The following SKAP1 variants were observed in gnomAD, a reference collection of about 807,000 sequenced individuals.
SKAP1 encodes src kinase associated phosphoprotein 1.
A neutral mutation model predicts 58.5 loss-of-function variants in SKAP1; 44 were observed. The observed-to-expected ratio is 0.75, with a 90% CI of 0.59 to 0.97. SKAP1 has a LOEUF of 0.97. Among genes scored for constraint, SKAP1 ranks in the 50% least tolerant of loss-of-function variants. The pLI, the probability that SKAP1 is intolerant of heterozygous loss-of-function variation, is 0.00. For missense variants in SKAP1, 390 were observed against 435.2 expected, an observed-to-expected ratio of 0.90 and a Z score of 0.92; for synonymous variants, 127 against 149.7, an observed-to-expected ratio of 0.85 and a Z score of 1.11.
chr17:48,308,721 G>T (rs1168418788), intron 4 of SKAP1: 4 of 152,132 alleles, frequency 2.6e-5, no homozygotes, highest in African/African-American at 7.2e-5. Flanking sequence ...GTTCTGGAGA[G>T]AAGCTATTTA....
At chr17:48,167,826 C>T (rs1372805503) in intron 10 of SKAP1, among the ~76,000 whole-genome samples, 3 of 152,170 alleles carry the variant, frequency 2.0e-5, no homozygotes, top group African/African-American at 7.2e-5. Context: ...CTATAAAAAA[C>T]GAACACAGAG....
At chr17:48,168,261 AT>A (rs2064164737) in intron 10 of SKAP1, among the ~76,000 whole-genome samples, 1 of 152,198 alleles carries the variant, frequency 6.6e-6, no homozygotes, top group African/African-American at 2.4e-5. Context: ...AAGTACTTGG[AT>A]TTTAAAAGTA....
chr17:48,274,735 G>A (rs2065678252), intron 4 of SKAP1, among the ~76,000 whole-genome samples: 1 of 152,032 alleles, frequency 6.6e-6, no homozygotes, highest in African/African-American at 2.4e-5. Context: ...AGAGACAGGG[G>A]TCTCACTATG....
At chr17:48,156,997 G>A (rs2063986144) in intron 11 of SKAP1, among the ~76,000 whole-genome samples, 1 of 152,100 alleles carries the variant, frequency 6.6e-6, no homozygotes, top group African/African-American at 2.4e-5. Flanking sequence ...ATTAGTAAAA[G>A]GGAAGGAAAT....
intron 4 of SKAP1, among the ~76,000 whole-genome samples, chr17:48,325,491 C>G (rs183647402): frequency 6.6e-6 from 1 of 152,260 alleles, no homozygotes; most frequent in Admixed American, 6.5e-5. Flanking sequence ...GTTTTATTCA[C>G]TGCTGTAGTC....
At chr17:48,243,497 C>G (rs1363004496) in intron 4 of SKAP1, among the ~76,000 whole-genome samples, 6 of 152,148 alleles carry the variant, frequency 3.9e-5, no homozygotes, top group African/African-American at 1.4e-4. Context: ...GGAACAAAAT[C>G]CTGTTTTTGC....
intron 4 of SKAP1, among the ~76,000 whole-genome samples, chr17:48,260,934 T>C (rs2065477804): frequency 6.6e-6 from 1 of 152,170 alleles, no homozygotes; most frequent in African/African-American, 2.4e-5. Context: ...TGGAACATTC[T>C]TCTTCTGTTC....
chr17:48,239,975 A>C (rs2065228049), intron 4 of SKAP1, among the ~76,000 whole-genome samples: 1 of 152,176 alleles, frequency 6.6e-6, no homozygotes, highest in Admixed American at 6.5e-5. Flanking sequence ...GGTACAAAAG[A>C]AGGTAGATGT....
chr17:48,315,478 A>C (rs1347109991), intron 4 of SKAP1, among the ~76,000 whole-genome samples: 1 of 152,222 alleles, frequency 6.6e-6, no homozygotes, highest in African/African-American at 2.4e-5. Flanking sequence ...GTTGGAAGCC[A>C]ATGAACAGCC....
In SKAP1 at chr17:48,274,696, C is replaced by CAA. The variant is rs35179325; in HGVS notation, c.280+71207_280+71208dup. Among the ~76,000 whole-genome samples the CAA allele has an allele frequency of 5.1e-4, 76 of 147,828 alleles. 1 individual carries two copies. The South Asian group carries it at 0.01, about 20-fold the overall frequency. On this transcript the variant is annotated intron_variant, in intron 4 of 12. Coordinates refer to ENST00000336915, the MANE Select transcript of SKAP1 (RefSeq NM_003726.4). ...GGGCAACAAGAGTGAAACTCCTTCT[C>CAA]AAAAAAAAAAAATTTTTTTTTCTTT...
chr17:48,299,540 G>C (rs887811812), intron 4 of SKAP1, among the ~76,000 whole-genome samples: 1 of 152,084 alleles, frequency 6.6e-6, no homozygotes, highest in Non-Finnish European at 1.5e-5. Flanking sequence ...TTCTTTGAAA[G>C]TTCTTTAGGA....
At chr17:48,348,937 C>A (rs1257345802) in intron 3 of SKAP1, among the ~76,000 whole-genome samples, 2 of 152,182 alleles carry the variant, frequency 1.3e-5, no homozygotes, top group Non-Finnish European at 2.9e-5. Context: ...GTCAGTAGTA[C>A]AAATGGTTGT....
chr17:48,354,347 T>C (rs1365601317), intron 3 of SKAP1, among the ~76,000 whole-genome samples: 1 of 152,238 alleles, frequency 6.6e-6, no homozygotes, highest in Non-Finnish European at 1.5e-5. Flanking sequence ...GAAAAAAAGT[T>C]TCACATGAAA....
chr17:48,429,690 G>C (rs1287509606), intron 1 of SKAP1, among the ~76,000 whole-genome samples: 3 of 152,148 alleles, frequency 2.0e-5, no homozygotes, highest in African/African-American at 7.2e-5. Context: ...TTCTGTGAGA[G>C]GTGAGGAAGT....
intron 3 of SKAP1, among the ~76,000 whole-genome samples, chr17:48,357,472 T>C (rs1477679042): frequency 1.3e-5 from 2 of 151,688 alleles, no homozygotes; most frequent in Non-Finnish European, 2.9e-5. Flanking sequence ...TTACTAAAAA[T>C]ACAAAAAATT....
chr17:48,191,959 G>A (rs975879403), intron 4 of SKAP1, among the ~76,000 whole-genome samples: 1 of 152,186 alleles, frequency 6.6e-6, no homozygotes, highest in Non-Finnish European at 1.5e-5. Flanking sequence ...CTGAGGGTGA[G>A]GCATTGAGTG....
chr17:48,170,915 C>G (rs1404216280), intron 9 of SKAP1, among the ~76,000 whole-genome samples: 1 of 151,930 alleles, frequency 6.6e-6, no homozygotes, highest in African/African-American at 2.4e-5. Flanking sequence ...CTATGTTGGC[C>G]AGGTTGGTCT....
chr17:48,157,356 C>T (rs1421129386), intron 11 of SKAP1, among the ~76,000 whole-genome samples: 1 of 151,866 alleles, frequency 6.6e-6, no homozygotes, highest in African/African-American at 2.4e-5. Flanking sequence ...CTGCCTCAGC[C>T]TCCTGAGTAG....
At chr17:48,146,037 A>G (rs2063828820) in intron 11 of SKAP1, among the ~76,000 whole-genome samples, 1 of 152,126 alleles carries the variant, frequency 6.6e-6, no homozygotes, top group Non-Finnish European at 1.5e-5. Context: ...TGAGGCCCAG[A>G]ACTTTCATCA....
Sources: gnomAD v4.1 joint callset for allele counts (sites outside exome capture counted in the v4.1 genomes callset) on GRCh38, gnomAD v4.1.1 for gene constraint, MANE v1.5 for transcripts, NCBI Gene and HGNC (gene_info 2026-07-23, HGNC 2026-07-21) for gene names.